MFN1: variants seen among roughly 807,000 people sequenced by gnomAD.
MFN1 encodes the protein mitofusin-1.
Under a neutral mutation model 92.4 loss-of-function variants are expected in MFN1, and 65 were observed. The observed-to-expected ratio is 0.70, with a 90% CI of 0.58 to 0.86. The LOEUF (loss-of-function observed/expected upper bound fraction) is 0.86, where lower values mean the gene tolerates loss of function less well. Among genes scored for constraint, MFN1 ranks in the 40% least tolerant of loss-of-function variants. MFN1 has a pLI of 0.00. For synonymous variants in MFN1, 297 were observed against 300.9 expected (o/e 0.99, Z 0.13); for missense variants, 781 against 868.0 (o/e 0.90, Z 1.26).
intron 2 of MFN1, among the ~76,000 whole-genome samples, chr3:179,350,376 A>C (rs1047928711): frequency 2.0e-5 from 3 of 152,122 alleles, no homozygotes; most frequent in Non-Finnish European, 4.4e-5. Flanking sequence ...ATGCTGAATG[A>C]GAAAAAAAAA....
chr3:179,364,535 G>T (rs193201167), intron 6 of MFN1, 130 bp downstream of exon 6: 9 of 681,002 alleles, frequency 1.3e-5, no homozygotes, highest in Non-Finnish European at 2.0e-5. Context: ...GAATGAAGGG[G>T]TTTGTGTTTT....
At chr3:179,384,370 T>C (rs1410439553) in intron 14 of MFN1, among the ~76,000 whole-genome samples, 1 of 152,212 alleles carries the variant, frequency 6.6e-6, no homozygotes, top group Non-Finnish European at 1.5e-5. Flanking sequence ...GTATTCGTTG[T>C]AGGTTTGATT....
chr3:179,391,187 T>G (rs1042100254), intron 17 of MFN1, among the ~76,000 whole-genome samples: 3 of 152,172 alleles, frequency 2.0e-5, no homozygotes, highest in Non-Finnish European at 2.9e-5. Flanking sequence ...TTATTCAGCT[T>G]TTGAAAGAGG....
intron 14 of MFN1, among the ~76,000 whole-genome samples, chr3:179,383,910 TTGTAAAA>T: frequency 2.6e-5 from 4 of 152,150 alleles, no homozygotes; most frequent in Non-Finnish European, 4.4e-5. Flanking sequence ...ATTTGTGAAA[TTGTAAAA>T]CCATCACCAC....
At chr3:179,379,159 G>A (rs539382399) in intron 14 of MFN1, among the ~76,000 whole-genome samples, 3 of 152,106 alleles carry the variant, frequency 2.0e-5, no homozygotes, top group South Asian at 2.1e-4. Context: ...TCTTTTCCAC[G>A]TATGCCCAAA....
At chr3:179,363,469 TGATA>T (rs1452919669) in intron 5 of MFN1, among the ~76,000 whole-genome samples, 2 of 152,056 alleles carry the variant, frequency 1.3e-5, no homozygotes, top group African/African-American at 4.8e-5. Flanking sequence ...ATGCTTGAGG[TGATA>T]GATACCTCGT....
intron 3 of MFN1, among the ~76,000 whole-genome samples, chr3:179,352,963 G>T (rs1003507109): frequency 9.2e-5 from 14 of 151,746 alleles, no homozygotes; most frequent in Non-Finnish European, 1.5e-4. Context: ...TATTGGCCAG[G>T]CTAGTCTTGA....
chr3:179,378,429 A>T lies in MFN1; in HGVS notation c.1418A>T (p.Gln473Leu). The change falls in exon 13 of 18, where the codon CAG becomes CTG. Residue 473 changes from glutamine to leucine, a missense_variant. Physicochemically the swap from Gln to Leu is moderately radical, Grantham distance 113. Transcript: ENST00000471841. ...DEVNALVLQT[Q>L]QEIIENLKPL... The stretch of plus-strand genomic sequence containing the variant: ...GTAAACGCCTTAGTGCTTCAGACCC[A>T]GCAAGAAATTATTGGTAATATTTAT... 6.3e-7 allele frequency: 1 copy of T among 1,593,850 alleles called. No individual in the cohort carries two copies. Among genetic ancestry groups the T allele is most frequent in the African/African-American group, 1.4e-5 (1 of 73,578 alleles).
chr3:179,393,494 C>CA lies in MFN1; in HGVS notation c.*1436dup, dbSNP rs1200234645. 6 of 152,214 alleles carry CA rather than the reference C, an allele frequency of 3.9e-5. No individual in the cohort carries two copies. Among genetic ancestry groups the CA allele is most frequent in the African/African-American group, 1.4e-4 (6 of 41,518 alleles). The allele number at this position is 152,214 out of a possible 1,614,324, so 9.4% of individuals were successfully genotyped here. A position where few individuals can be genotyped will look rare whatever the true frequency, so the allele number is the denominator to read the frequency against. ...TAGATGCTATTCAGCCTTTTTACAG[C>CA]AGGTGCAACTCTATTTTTCAAGGTA... On this transcript the variant is annotated 3_prime_UTR_variant, in exon 18 of 18. Transcript: ENST00000471841.
At chr3:179,384,990 C>G (rs1713620042) in intron 14 of MFN1, among the ~76,000 whole-genome samples, 1 of 138,690 alleles carries the variant, frequency 7.2e-6, no homozygotes, top group African/African-American at 2.7e-5. Flanking sequence ...ACTGCAAGCT[C>G]TGCCTCCTGG....
chr3:179,352,000 A>G lies in MFN1; in HGVS notation c.213A>G (p.Leu71=), dbSNP rs543329273. ...KDKLSIIGEV[L]SRRHMKVAFF... ...AGCTTTCCATCATTGGTGAGGTGCT[A>G]TCTCGGAGACACATGAAGGTGGCAT... The change falls in exon 3 of 18, where the codon CTA becomes CTG. Residue 71 remains leucine, a synonymous_variant. Transcript: ENST00000471841. 4.4e-6 allele frequency: 7 copies of G among 1,607,620 alleles called. No homozygotes were observed. The South Asian group carries it at 5.5e-5, about 13-fold the overall frequency.
chr3:179,366,356 A>G (rs1376929446), intron 7 of MFN1, among the ~76,000 whole-genome samples: 2 of 151,614 alleles, frequency 1.3e-5, no homozygotes, highest in Non-Finnish European at 2.9e-5. Context: ...CTGCCAGCAG[A>G]TTGAGTTTCA....
At chr3:179,390,228 A>G in intron 17 of MFN1, 90 bp downstream of exon 17, 1 of 1,110,016 alleles carries the variant, frequency 9.0e-7, no homozygotes, top group Non-Finnish European at 1.2e-6. Flanking sequence ...ATTCATTCCT[A>G]ATAGCTTTTT....
chr3:179,363,474 G>C (rs1048499538), intron 5 of MFN1, among the ~76,000 whole-genome samples: 1 of 152,022 alleles, frequency 6.6e-6, no homozygotes, highest in Non-Finnish European at 1.5e-5. Context: ...TGAGGTGATA[G>C]ATACCTCGTT....
intron 1 of MFN1, 87 bp from the exon 2 acceptor site, chr3:179,348,758 G>C: frequency 2.6e-6 from 4 of 1,530,614 alleles, no homozygotes; most frequent in Non-Finnish European, 3.6e-6. Flanking sequence ...TTTCATTGGG[G>C]AGTTGATGAA....
chr3:179,382,759 C>T (rs1272136687), intron 14 of MFN1, among the ~76,000 whole-genome samples: 1 of 152,200 alleles, frequency 6.6e-6, no homozygotes, highest in Non-Finnish European at 1.5e-5. Context: ...GTAATGATTG[C>T]CATTCTAACT....
chr3:179,374,517 G>T (rs1713162188), intron 9 of MFN1, among the ~76,000 whole-genome samples: 1 of 151,288 alleles, frequency 6.6e-6, no homozygotes, highest in Non-Finnish European at 1.5e-5. Context: ...ATAAACACTG[G>T]TTATAAAACA....
At position 179,351,268 on chromosome 3, in the gene MFN1, C is replaced by T. The variant is rs73883504; in HGVS notation, c.113-632C>T. 6.3e-3 allele frequency among the ~76,000 whole-genome samples: 958 copies of T among 152,256 alleles called. 8 individuals carry two copies. The highest frequency in any genetic ancestry group is 0.022 in the African/African-American group (909 of 41,544). The stretch of plus-strand genomic sequence containing the variant: ...GAGGAGAGGTGAGGGCTGGGATGTG[C>T]GGTTAAACCCTAAACCTGATAAGAG... On this transcript the variant is annotated intron_variant, in intron 2 of 17. Transcript: ENST00000471841.
At chr3:179,354,261 G>A (rs1406188512) in intron 3 of MFN1, among the ~76,000 whole-genome samples, 4 of 152,202 alleles carry the variant, frequency 2.6e-5, no homozygotes, top group African/African-American at 9.7e-5. Flanking sequence ...AATAGAAAGG[G>A]GTAGGGAGAC....
Sources: allele counts gnomAD v4.1 joint callset (sites outside exome capture counted in the v4.1 genomes callset), GRCh38; gene constraint gnomAD v4.1.1; transcripts MANE v1.5; gene names NCBI Gene and HGNC (gene_info 2026-07-23, HGNC 2026-07-21).